Variants in PPP1R9A observed in about 807,000 individuals in gnomAD.
The protein encoded by PPP1R9A is neurabin-1.
Under a neutral mutation model 141.9 loss-of-function variants are expected in PPP1R9A, and 59 were observed. That is an observed-to-expected ratio of 0.42 (90% CI 0.34 to 0.52). The LOEUF (loss-of-function observed/expected upper bound fraction) is 0.52. Ranked by LOEUF, PPP1R9A falls within the 20% of genes least tolerant of loss-of-function variation. PPP1R9A has a pLI of 0.10. For synonymous variants in PPP1R9A, 500 were observed against 569.7 expected (o/e 0.88, Z 1.74); for missense variants, 1,444 against 1,611.9 (o/e 0.90, Z 1.78).
At chr7:95,074,350 A>C (rs1189216433) in intron 2 of PPP1R9A, among the ~76,000 whole-genome samples, 1 of 152,096 alleles carries the variant, frequency 6.6e-6, no homozygotes. Context: ...TATATTATTG[A>C]AACAATGCTG....
chr7:95,276,532 TA>T (rs1803216508), intron 16 of PPP1R9A, among the ~76,000 whole-genome samples: 2 of 152,162 alleles, frequency 1.3e-5, no homozygotes, highest in Admixed American at 6.5e-5. Flanking sequence ...AGTCAGAAAT[TA>T]TTGTACACAT....
chr7:95,007,062 A>T (rs1462044930), intron 2 of PPP1R9A, among the ~76,000 whole-genome samples: 1 of 152,044 alleles, frequency 6.6e-6, no homozygotes, highest in African/African-American at 2.4e-5. Flanking sequence ...AGGTTTTACC[A>T]TGTTGGTCAG....
chr7:95,209,147 T>G (rs1170689633), intron 7 of PPP1R9A, among the ~76,000 whole-genome samples: 1 of 152,146 alleles, frequency 6.6e-6, no homozygotes, highest in East Asian at 1.9e-4. Flanking sequence ...GTTTTAAATT[T>G]ATTTATTGAA....
chr7:95,237,353 A>C (rs1332729396), intron 8 of PPP1R9A, among the ~76,000 whole-genome samples: 7 of 151,226 alleles, frequency 4.6e-5, no homozygotes. Flanking sequence ...GCGCCACCAC[A>C]CCCAGCTAAT....
At chr7:95,160,097 T>A (rs1218122192) in intron 4 of PPP1R9A, among the ~76,000 whole-genome samples, 1 of 151,682 alleles carries the variant, frequency 6.6e-6, no homozygotes. Flanking sequence ...ATATATAAAA[T>A]ATATATAGAA....
intron 2 of PPP1R9A, among the ~76,000 whole-genome samples, chr7:94,922,284 G>A (rs893599654): frequency 3.3e-5 from 5 of 151,964 alleles, no homozygotes; most frequent in African/African-American, 1.2e-4. Flanking sequence ...CCCTGCGCCA[G>A]TACTTAGTTT....
chr7:95,123,925 G>A (rs924772349), intron 4 of PPP1R9A, among the ~76,000 whole-genome samples: 1 of 152,100 alleles, frequency 6.6e-6, no homozygotes, highest in African/African-American at 2.4e-5. Flanking sequence ...TATGGGAGAA[G>A]CCTCATGGAA....
chr7:95,279,893 C>T lies in PPP1R9A; in HGVS notation c.3297-4125C>T, dbSNP rs182278394. Reference sequence around the variant, plus strand: ...ATTTTGATAGTATGGATTTTATTTACGTGATCCTCTTCTATTTCATTTTAA... The same window carrying T: ...ATTTTGATAGTATGGATTTTATTTATGTGATCCTCTTCTATTTCATTTTAA... On this transcript the variant is annotated intron_variant, in intron 16 of 19. Transcript: ENST00000433360. 8.5e-5 allele frequency among the ~76,000 whole-genome samples: 13 copies of T among 152,258 alleles called. 1 individual carries two copies. Among genetic ancestry groups the T allele is most frequent in the Admixed American group, 3.3e-4 (5 of 15,294 alleles).
Position 95,083,207 on chromosome 7 carries a change from T to C in PPP1R9A, c.1396-28052T>C, listed in dbSNP as rs146295055. Among the ~76,000 whole-genome samples, 8 of 152,086 alleles carry C rather than the reference T, an allele frequency of 5.3e-5. No individual in the cohort carries two copies. The East Asian group carries it at 1.5e-3, about 29-fold the overall frequency. ...ACCCAGAGAAACAGGTAAATCTGTG[T>C]ATTTTTATGGACAGTCATGCAGAAC... On this transcript the variant is annotated intron_variant, in intron 2 of 19. Coordinates refer to ENST00000433360, the MANE Select transcript of PPP1R9A (RefSeq NM_001166160.2).
chr7:95,238,341 A>G (rs1796989970), intron 8 of PPP1R9A, among the ~76,000 whole-genome samples: 1 of 152,134 alleles, frequency 6.6e-6, no homozygotes, highest in African/African-American at 2.4e-5. Context: ...CAAAGGCACC[A>G]AAGGATAATA....
At chr7:95,116,421 T>G (rs2152465652) in intron 3 of PPP1R9A, among the ~76,000 whole-genome samples, 1 of 152,234 alleles carries the variant, frequency 6.6e-6, no homozygotes, top group African/African-American at 2.4e-5. Flanking sequence ...TAAAAATCAA[T>G]TTTTTCTATG....
At chr7:95,034,721 C>A (rs1391229745) in intron 2 of PPP1R9A, among the ~76,000 whole-genome samples, 1 of 152,032 alleles carries the variant, frequency 6.6e-6, no homozygotes, top group African/African-American at 2.4e-5. Flanking sequence ...GCTGCATTTA[C>A]CAATTATTTG....
At chr7:95,141,902 T>G (rs1262031760) in intron 4 of PPP1R9A, among the ~76,000 whole-genome samples, 1 of 152,088 alleles carries the variant, frequency 6.6e-6, no homozygotes, top group African/African-American at 2.4e-5. Context: ...GTGGTAGAGT[T>G]TCTGGGTCAT....
chr7:95,271,965 C>T (rs528217768), intron 14 of PPP1R9A, among the ~76,000 whole-genome samples: 35 of 152,070 alleles, frequency 2.3e-4, no homozygotes, highest in Non-Finnish European at 4.7e-4. Flanking sequence ...TACATTATTC[C>T]TTATTCTTAA....
chr7:95,235,287 C>A (rs942420593), intron 8 of PPP1R9A, among the ~76,000 whole-genome samples: 1 of 152,084 alleles, frequency 6.6e-6, no homozygotes, highest in Non-Finnish European at 1.5e-5. Context: ...AACGAATATC[C>A]AGAATCCACA....
intron 2 of PPP1R9A, among the ~76,000 whole-genome samples, chr7:94,934,846 A>G (rs1416588855): frequency 6.8e-6 from 1 of 147,764 alleles, no homozygotes; most frequent in Non-Finnish European, 1.5e-5. Flanking sequence ...GTACGTATAC[A>G]TACACACACA....
chr7:94,968,364 G>C (rs1432991805), intron 2 of PPP1R9A, among the ~76,000 whole-genome samples: 1 of 152,020 alleles, frequency 6.6e-6, no homozygotes, highest in African/African-American at 2.4e-5. Flanking sequence ...AGTAGAGACG[G>C]GGTTTCACCG....
chr7:95,012,761 T>A (rs1804602596), intron 2 of PPP1R9A, among the ~76,000 whole-genome samples: 1 of 152,146 alleles, frequency 6.6e-6, no homozygotes, highest in South Asian at 2.1e-4. Flanking sequence ...AAGGCAGGAC[T>A]AGGATCACTG....
chr7:95,095,671 A>T (rs1166458144), intron 2 of PPP1R9A, among the ~76,000 whole-genome samples: 1 of 152,210 alleles, frequency 6.6e-6, no homozygotes, highest in African/African-American at 2.4e-5. Context: ...GACAATCTGT[A>T]AGGAAATGGA....
Sources: gnomAD v4.1 joint callset for allele counts (sites outside exome capture counted in the v4.1 genomes callset) on GRCh38, gnomAD v4.1.1 for gene constraint, MANE v1.5 for transcripts, NCBI Gene and HGNC (gene_info 2026-07-23, HGNC 2026-07-21) for gene names.